The following STK3 variants were observed in gnomAD, a reference collection of about 807,000 sequenced individuals.
STK3 encodes serine/threonine kinase 3, also known as serine/threonine-protein kinase 3.
In STK3, 41 loss-of-function variants were observed where a neutral mutation model predicts 58.0. The observed-to-expected ratio is 0.71, with a 90% CI of 0.55 to 0.92. STK3 has a LOEUF of 0.92. Among genes scored for constraint, STK3 ranks in the 40% least tolerant of loss-of-function variants. The pLI, the probability that STK3 is intolerant of heterozygous loss-of-function variation, is 0.00. For synonymous variants in STK3, 170 were observed against 191.0 expected, an observed-to-expected ratio of 0.89 and a Z score of 0.91; for missense variants, 479 against 602.7, an observed-to-expected ratio of 0.79 and a Z score of 2.15.
chr8:98,741,178 C>G (rs1456269179), intron 4 of STK3, among the ~76,000 whole-genome samples: 1 of 152,148 alleles, frequency 6.6e-6, no homozygotes, highest in Non-Finnish European at 1.5e-5. Context: ...CAACATTAGA[C>G]AGATCAACCA....
At chr8:98,526,958 C>T (rs1825789406) in intron 9 of STK3, 41 bp from the exon 10 acceptor site, 3 of 1,375,982 alleles carry the variant, frequency 2.2e-6, no homozygotes, top group African/African-American at 2.9e-5. Flanking sequence ...TAAGTTCTTA[C>T]ATTTAAGGAA....
At chr8:98,552,877 T>C (rs1811288786) in intron 8 of STK3, among the ~76,000 whole-genome samples, 1 of 152,192 alleles carries the variant, frequency 6.6e-6, no homozygotes, top group Non-Finnish European at 1.5e-5. Flanking sequence ...AAGCATTTAT[T>C]GTACATCAAG....
At chr8:98,497,677 A>G (rs1181723669) in intron 10 of STK3, among the ~76,000 whole-genome samples, 1 of 152,182 alleles carries the variant, frequency 6.6e-6, no homozygotes, top group Non-Finnish European at 1.5e-5. Context: ...CAAATGGACA[A>G]TAAGCACACA....
chr8:98,700,876 G>A (rs1008049687), intron 6 of STK3, among the ~76,000 whole-genome samples: 3 of 152,206 alleles, frequency 2.0e-5, no homozygotes, highest in East Asian at 1.9e-4. Flanking sequence ...TACAGGTTAC[G>A]CCTGTACTCC....
intron 6 of STK3, among the ~76,000 whole-genome samples, chr8:98,613,612 A>C (rs1394127877): frequency 1.3e-5 from 2 of 152,018 alleles, no homozygotes; most frequent in Non-Finnish European, 2.9e-5. Context: ...TCAAAAGAAA[A>C]CTCTTAAAAA....
chr8:98,491,463 C>T (rs898044658), intron 10 of STK3, among the ~76,000 whole-genome samples: 25 of 150,538 alleles, frequency 1.7e-4, no homozygotes, highest in African/African-American at 5.1e-4. Context: ...GGGGCAGGGA[C>T]GAAGTCTCAC....
At chr8:98,812,617 C>T (rs866440367) in intron 1 of STK3, among the ~76,000 whole-genome samples, 5 of 152,062 alleles carry the variant, frequency 3.3e-5, no homozygotes, top group Admixed American at 6.6e-5. Context: ...TTCACAATAG[C>T]GAAGACTTGG....
intron 3 of STK3, among the ~76,000 whole-genome samples, chr8:98,409,271 G>C (rs773386662): frequency 3.3e-5 from 5 of 152,178 alleles, no homozygotes; most frequent in Non-Finnish European, 2.9e-5. Context: ...TAGAAGAAGA[G>C]TGTCTCCCAC....
At chr8:98,867,368 C>T (rs1246522559) in intron 3 of STK3, among the ~76,000 whole-genome samples, 2 of 152,168 alleles carry the variant, frequency 1.3e-5, no homozygotes, top group African/African-American at 4.8e-5. Context: ...GAGCCGAGAT[C>T]GCGCCCCTGC....
In STK3 at chr8:98,596,121, C is replaced by G. The variant is rs1815809131; in HGVS notation, c.733G>C (p.Glu245Gln). 1 of 1,613,040 alleles carries G rather than the reference C, an allele frequency of 6.2e-7. No individual in the cohort carries two copies. The highest frequency in any genetic ancestry group is 1.3e-5 in the African/African-American group (1 of 74,922). ...TCGGTGAAATCATCGGACCAAAGTT[C>G]TGGCTTTCTGAATGTTGGTGGTGGA... ...TNPPPTFRKP[E>Q]LWSDDFTDFV... The change falls in exon 7 of 11, where the codon GAA (glutamate) becomes CAA (glutamine). Residue 245 changes from glutamate (E) to glutamine (Q), a missense_variant. Glu to Gln is a conservative substitution (Grantham distance 29). Around this residue, in one of 3 missense-constraint regions of STK3, gnomAD observed 309 missense variants for 355.7 expected, o/e 0.87. Transcript: ENST00000419617.
chr8:98,806,196 A>T (rs1833875326), intron 1 of STK3, among the ~76,000 whole-genome samples: 1 of 152,200 alleles, frequency 6.6e-6, no homozygotes, highest in Non-Finnish European at 1.5e-5. Context: ...TAAATAACAT[A>T]TCTAATAAAT....
intron 7 of STK3, among the ~76,000 whole-genome samples, chr8:98,584,669 G>A (rs1237332449): frequency 3.4e-4 from 51 of 148,706 alleles, no homozygotes; most frequent in Non-Finnish European, 4.0e-4. Context: ...CTGAGGAATC[G>A]CCACACTGAC....
intron 6 of STK3, among the ~76,000 whole-genome samples, chr8:98,612,814 A>G (rs1487550218): frequency 6.6e-6 from 1 of 152,212 alleles, no homozygotes; most frequent in Admixed American, 6.5e-5. Context: ...TTCTATCCTC[A>G]TGAGACTATA....
At chr8:98,588,087 G>A (rs201185777) in intron 7 of STK3, among the ~76,000 whole-genome samples, 2 of 152,004 alleles carry the variant, frequency 1.3e-5, no homozygotes, top group South Asian at 2.1e-4. Flanking sequence ...TGGAGCATTT[G>A]GTCCATTTAC....
chr8:98,716,284 T>TA (rs949224796), intron 4 of STK3, among the ~76,000 whole-genome samples: 13 of 151,522 alleles, frequency 8.6e-5, no homozygotes, highest in Non-Finnish European at 1.3e-4. Flanking sequence ...TAAAGTATAA[T>TA]AAAAAAAGAA....
chr8:98,931,023 C>A (rs1457671846), intron 1 of STK3, among the ~76,000 whole-genome samples: 1 of 152,240 alleles, frequency 6.6e-6, no homozygotes, highest in East Asian at 1.9e-4. Flanking sequence ...CAGCTTCTGT[C>A]TGACCCATGT....
chr8:98,911,010 A>G (rs1587836982), intron 1 of STK3, among the ~76,000 whole-genome samples: 1 of 152,354 alleles, frequency 6.6e-6, no homozygotes, highest in South Asian at 2.1e-4. Flanking sequence ...ATAGCAAGGC[A>G]ACAGGCCACA....
chr8:98,872,877 C>A (rs543501555), intron 3 of STK3, among the ~76,000 whole-genome samples: 1 of 152,158 alleles, frequency 6.6e-6, no homozygotes, highest in Non-Finnish European at 1.5e-5. Flanking sequence ...TTGCCTTCTG[C>A]TAGCTTTTGA....
chr8:98,572,269 T>TA (rs1242752207), intron 8 of STK3, among the ~76,000 whole-genome samples: 1 of 150,144 alleles, frequency 6.7e-6, no homozygotes, highest in Admixed American at 6.6e-5. Context: ...ATACTAGAGT[T>TA]AAACTAGTAC....
Sources: allele counts gnomAD v4.1 joint callset (sites outside exome capture counted in the v4.1 genomes callset), GRCh38; gene constraint gnomAD v4.1.1; regional missense constraint gnomAD v4.1.1; transcripts MANE v1.5; gene names NCBI Gene and HGNC (gene_info 2026-07-23, HGNC 2026-07-21).